TRIQK: variants seen among roughly 807,000 people sequenced by gnomAD.
The protein encoded by TRIQK is triple QxxK/R motif containing.
Under a neutral mutation model 10.8 loss-of-function variants are expected in TRIQK, and 10 were observed. The observed-to-expected ratio is 0.92, with a 90% confidence interval of 0.57 to 1.57. The LOEUF (loss-of-function observed/expected upper bound fraction) is 1.57, where lower values mean the gene tolerates loss of function less well. TRIQK is among the 40% of genes most tolerant of loss of function. TRIQK has a pLI of 0.00. For synonymous variants in TRIQK, 33 were observed against 33.7 expected, an observed-to-expected ratio of 0.98 and a Z score of 0.07; for missense variants, 107 against 97.7, an observed-to-expected ratio of 1.09 and a Z score of -0.40.
chr8:92,984,198 T>C (rs953170237), intron 1 of TRIQK, among the ~76,000 whole-genome samples: 5 of 152,180 alleles, frequency 3.3e-5, no homozygotes, highest in African/African-American at 1.2e-4. Context: ...TCTATTAGCA[T>C]CCCTGTGCAA....
At chr8:92,950,870 T>C (rs566566415) in intron 2 of TRIQK, among the ~76,000 whole-genome samples, 140 of 152,250 alleles carry the variant, frequency 9.2e-4, no homozygotes, top group African/African-American at 3.1e-3. Context: ...TATTAAACTT[T>C]AGTATAACAT....
chr8:93,002,391 C>T (rs1460640829), intron 1 of TRIQK, among the ~76,000 whole-genome samples: 1 of 151,854 alleles, frequency 6.6e-6, no homozygotes, highest in Non-Finnish European at 1.5e-5. Flanking sequence ...AGAAAGAAGA[C>T]TCAAATAAAA....
At chr8:92,964,464 CTATA>C (rs71563502) in intron 1 of TRIQK, among the ~76,000 whole-genome samples, 1 of 142,330 alleles carries the variant, frequency 7.0e-6, no homozygotes, top group Non-Finnish European at 1.5e-5. Context: ...ATATATATAT[CTATA>C]TATATATATA....
In TRIQK at chr8:92,886,644, T is replaced by C; in HGVS notation, c.239A>G (p.Asp80Gly). Residue 80 changes from aspartate to glycine, a missense_variant, in exon 5 of 5, where the codon GAT becomes GGT. Coordinates refer to ENST00000521988, the MANE Select transcript of TRIQK (RefSeq NM_001171797.2). ...TAGCTAATCTTCATCTTGGTCCAGATCAGGGTCAACATCCGTGGTGAGTCT... is the reference window on the plus strand; with the variant it reads ...TAGCTAATCTTCATCTTGGTCCAGACCAGGGTCAACATCCGTGGTGAGTCT... The part of the protein sequence containing the change: ...YLRLTTDVDP[D>G]LDQDED 6 of 1,527,964 alleles carry C rather than the reference T, an allele frequency of 3.9e-6. No homozygotes were observed. Among genetic ancestry groups the C allele is most frequent in the Non-Finnish European group, 5.3e-6 (6 of 1,141,008 alleles). 94.7% of individuals were successfully genotyped at this position (1,527,964 alleles called of 1,614,324 possible). A position where few individuals can be genotyped will look rare whatever the true frequency, so the allele number is the denominator to read the frequency against.
At chr8:92,978,523 C>T (rs188906402) in intron 1 of TRIQK, among the ~76,000 whole-genome samples, 51 of 152,154 alleles carry the variant, frequency 3.4e-4, no homozygotes, top group Non-Finnish European at 5.0e-4. Context: ...GAGGATGTTT[C>T]ATTTGTAACC....
Position 92,916,927 on chromosome 8 carries a change from A to G in TRIQK, c.61+2T>C. 1.4e-6 allele frequency: 2 copies of G among 1,467,650 alleles called. No homozygotes were observed. The highest frequency in any genetic ancestry group is 1.8e-6 in the Non-Finnish European group (2 of 1,114,882). The allele number at this position is 1,467,650 out of a possible 1,614,324, so 90.9% of individuals were successfully genotyped here. A position where few individuals can be genotyped will look rare whatever the true frequency, so the allele number is the denominator to read the frequency against. ...GTGTATCAAAGATAATTCATTGCTTACCAATTTGTTTTCTGTACTGATCAA... is the reference window on the plus strand; with the variant it reads ...GTGTATCAAAGATAATTCATTGCTTGCCAATTTGTTTTCTGTACTGATCAA... On this transcript the variant is annotated splice_donor_variant, in intron 3 of 4. Transcript: ENST00000521988. LOFTEE classifies it high-confidence loss of function.
intron 2 of TRIQK, among the ~76,000 whole-genome samples, chr8:92,918,072 G>T (rs139292857): frequency 6.4e-4 from 98 of 152,104 alleles, no homozygotes; most frequent in Admixed American, 1.4e-3. Flanking sequence ...TTATAAGGCT[G>T]AATAATATTC....
chr8:92,980,380 T>C (rs1195165777), intron 1 of TRIQK, among the ~76,000 whole-genome samples: 1 of 152,034 alleles, frequency 6.6e-6, no homozygotes, highest in African/African-American at 2.4e-5. Flanking sequence ...TGTGTGTGTG[T>C]GTGTCTGCAC....
intron 2 of TRIQK, among the ~76,000 whole-genome samples, chr8:92,935,708 C>G (rs1299901928): frequency 6.6e-6 from 1 of 150,500 alleles, no homozygotes; most frequent in Admixed American, 6.6e-5. Context: ...CTTGTCCTGA[C>G]GGAATAAGAA....
rs181654501 is a variant in TRIQK, at chr8:92,963,760, G to A, written c.-181+2247C>T. The A allele has an allele frequency of 3.0e-3, 450 of 152,272 alleles. 2 individuals carry two copies. Among genetic ancestry groups the A allele is most frequent in the Non-Finnish European group, 4.7e-3 (318 of 68,136 alleles). 9.4% of individuals were successfully genotyped at this position (152,272 alleles called of 1,614,324 possible). On this transcript the variant is annotated intron_variant, in intron 1 of 4. Coordinates refer to ENST00000521988, the MANE Select transcript of TRIQK (RefSeq NM_001171797.2). Reference sequence around the variant, plus strand: ...AATACAAAATTAGCCAGGTGTGGTGGTGCACTCCTGTAATCCCAGCTACTC... The same window carrying A: ...AATACAAAATTAGCCAGGTGTGGTGATGCACTCCTGTAATCCCAGCTACTC...
intron 1 of TRIQK, among the ~76,000 whole-genome samples, chr8:93,014,525 A>G (rs1813365199): frequency 6.6e-6 from 1 of 152,044 alleles, no homozygotes; most frequent in Non-Finnish European, 1.5e-5. Context: ...TGTGAGTCTT[A>G]CTGGTTTTGG....
At chr8:92,909,886 C>T (rs2130408554) in intron 3 of TRIQK, among the ~76,000 whole-genome samples, 1 of 151,520 alleles carries the variant, frequency 6.6e-6, no homozygotes, top group South Asian at 2.1e-4. Flanking sequence ...AAAAGAAAGA[C>T]AAACAACAAA....
At chr8:93,001,305 CA>C (rs1229891736) in intron 1 of TRIQK, among the ~76,000 whole-genome samples, 2,341 of 78,774 alleles carry the variant, frequency 0.03, 27 homozygotes, top group African/African-American at 0.079. Context: ...GACTCCATCT[CA>C]AAAAAAAAAA....
chr8:92,964,671 C>T (rs117946208), intron 1 of TRIQK, among the ~76,000 whole-genome samples: 1,503 of 149,926 alleles, frequency 0.01, 21 homozygotes, highest in Middle Eastern at 0.074. Context: ...AATACTTATA[C>T]GTGTTTATAA....
rs962162759 is a variant in TRIQK, at chr8:92,933,491, G to C, written c.-21-16481C>G. Among the ~76,000 whole-genome samples, 3 of 152,104 alleles carry C rather than the reference G, an allele frequency of 2.0e-5. No individual in the cohort carries two copies. The East Asian group carries it at 5.8e-4, about 29-fold the overall frequency. On this transcript the variant is annotated intron_variant, in intron 2 of 4. Coordinates refer to ENST00000521988, the MANE Select transcript of TRIQK (RefSeq NM_001171797.2). ...TACACCTTATAGACATATGCTCCACGCTATGGCAAGGAAAATGAGACTGTG... is the reference window on the plus strand; with the variant it reads ...TACACCTTATAGACATATGCTCCACCCTATGGCAAGGAAAATGAGACTGTG...
chr8:92,888,712 CAT>C (rs1332425801), intron 4 of TRIQK, among the ~76,000 whole-genome samples: 1 of 151,508 alleles, frequency 6.6e-6, no homozygotes, highest in African/African-American at 2.4e-5. Context: ...AAAGAACAAA[CAT>C]AACATTTCAA....
intron 3 of TRIQK, among the ~76,000 whole-genome samples, chr8:92,912,685 G>A (rs922026516): frequency 6.6e-6 from 1 of 151,786 alleles, no homozygotes; most frequent in Non-Finnish European, 1.5e-5. Context: ...AAGATCATAA[G>A]GGGCATTTAT....
chr8:92,909,901 A>G lies in TRIQK; in HGVS notation c.61+7028T>C, dbSNP rs1809481675. Among the ~76,000 whole-genome samples the G allele has an allele frequency of 2.0e-5, 3 of 151,694 alleles. 1 individual carries two copies. In the South Asian group the frequency reaches 6.2e-4, roughly 31 times the overall value. Reference sequence around the variant, plus strand: ...AAAAGAAAGACAAACAACAAAAAGAATAACAGGGAACCTAAAACGCAAAAT... The same window carrying G: ...AAAAGAAAGACAAACAACAAAAAGAGTAACAGGGAACCTAAAACGCAAAAT... On this transcript the variant is annotated intron_variant, in intron 3 of 4. Transcript: ENST00000521988.
At chr8:92,957,306 T>C (rs1286525291) in intron 1 of TRIQK, among the ~76,000 whole-genome samples, 1 of 151,720 alleles carries the variant, frequency 6.6e-6, no homozygotes, top group African/African-American at 2.4e-5. Context: ...AATTAATGTA[T>C]GTACATAAAA....
Sources: allele counts gnomAD v4.1 joint callset (sites outside exome capture counted in the v4.1 genomes callset), GRCh38; gene constraint gnomAD v4.1.1; transcripts MANE v1.5; gene names NCBI Gene and HGNC (gene_info 2026-07-23, HGNC 2026-07-21).